The following FIGNL2 variants were observed in gnomAD, a reference collection of about 807,000 sequenced individuals.
FIGNL2 encodes fidgetin like 2.
For missense variants in FIGNL2, 1,060 were observed against 950.2 expected, an observed-to-expected ratio of 1.12 and a Z score of -1.52; for synonymous variants, 565 against 484.0, an observed-to-expected ratio of 1.17 and a Z score of -2.20.
At chr12:51,829,998 C>G (rs1344024067) in intron 1 of FIGNL2, among the ~76,000 whole-genome samples, 1 of 152,066 alleles carries the variant, frequency 6.6e-6, no homozygotes, top group Admixed American at 6.6e-5. Context: ...TTGAAGATTA[C>G]TGAGAGTAGG....
At position 51,822,111 on chromosome 12, in the gene FIGNL2, C is replaced by T. The variant is rs1939227378; in HGVS notation, c.303G>A (p.Gly101=). The T allele has an allele frequency of 1.9e-6, 3 of 1,610,940 alleles. No individual in the cohort carries two copies. The highest frequency in any genetic ancestry group is 2.2e-5 in the East Asian group (1 of 44,724). ...AGGCCAAGGGGTAGGGTGGCTCCGG[C>T]CCTGGCCAGGGCTCGGGATCCCCTT... ...GAKGDPEPWP[G]PEPPYPLASL... The change falls in exon 2 of 2, where the codon GGG becomes GGA. Residue 101 remains glycine, a synonymous_variant. Transcript: ENST00000618634.
At chr12:51,843,288 A>G (rs303785) in intron 1 of FIGNL2, among the ~76,000 whole-genome samples, 85,863 of 151,814 alleles carry the variant, frequency 0.57, 24,693 homozygotes, top group African/African-American at 0.65. Flanking sequence ...TGTAATCCCA[A>G]CACTTTGGGA....
At chr12:51,839,357 T>A (rs1468114829) in intron 1 of FIGNL2, among the ~76,000 whole-genome samples, 1 of 152,098 alleles carries the variant, frequency 6.6e-6, no homozygotes, top group Non-Finnish European at 1.5e-5. Context: ...CCTGTGTCTG[T>A]CTCTCCAGCC....
chr12:51,830,493 GT>G (rs1279826960), intron 1 of FIGNL2, among the ~76,000 whole-genome samples: 94 of 83,102 alleles, frequency 1.1e-3, no homozygotes, highest in Admixed American at 2.1e-3. Flanking sequence ...ATATTGAGTT[GT>G]TTTTTTTTTT....
Position 51,820,440 on chromosome 12 carries a change from C to A in FIGNL2, c.*12G>T. 1 of 1,582,852 alleles carries A rather than the reference C, an allele frequency of 6.3e-7. No homozygotes were observed. Among genetic ancestry groups the A allele is most frequent in the Non-Finnish European group, 8.5e-7 (1 of 1,172,882 alleles). On this transcript the variant is annotated 3_prime_UTR_variant, in exon 2 of 2. Transcript: ENST00000618634. The stretch of plus-strand genomic sequence containing the variant: ...GAGGGACTGCGGCTCCCGCGGCCTC[C>A]CCCGCGCGCCGTCAGTGTCCGGAGC...
At chr12:51,824,227 G>A (rs1939286561) in intron 1 of FIGNL2, 2 of 152,164 alleles carry the variant, frequency 1.3e-5, no homozygotes, top group Admixed American at 6.6e-5. Flanking sequence ...CATACACTTT[G>A]AGTCCATAGA....
At position 51,818,300 on chromosome 12, in the gene FIGNL2, C is replaced by T. The variant is rs1017953513; in HGVS notation, c.*2152G>A. Reference sequence around the variant, plus strand: ...AGCCTAGTAGAGAAAGCGGTGGGGACTCCACCTCCCAGAGCTCCCTGCCTC... The same window carrying T: ...AGCCTAGTAGAGAAAGCGGTGGGGATTCCACCTCCCAGAGCTCCCTGCCTC... On this transcript the variant is annotated 3_prime_UTR_variant, in exon 2 of 2. Coordinates refer to ENST00000618634, the MANE Select transcript of FIGNL2 (RefSeq NM_001384995.1). 2.6e-5 allele frequency: 4 copies of T among 152,166 alleles called. No homozygotes were observed. The highest frequency in any genetic ancestry group is 6.5e-5 in the Admixed American group (1 of 15,276). 9.4% of individuals were successfully genotyped at this position (152,166 alleles called of 1,614,324 possible). A position where few individuals can be genotyped will look rare whatever the true frequency, so the allele number is the denominator to read the frequency against.
At chr12:51,828,315 A>T (rs1003288517) in intron 1 of FIGNL2, 4 of 151,462 alleles carry the variant, frequency 2.6e-5, no homozygotes, top group Non-Finnish European at 4.4e-5. Flanking sequence ...TGGAGAAAAC[A>T]CTCTCTCTCT....
intron 1 of FIGNL2, among the ~76,000 whole-genome samples, chr12:51,840,104 C>A (rs1351211142): frequency 1.3e-5 from 2 of 152,264 alleles, no homozygotes; most frequent in African/African-American, 2.4e-5. Flanking sequence ...GTTTCTAGCA[C>A]ACAACGCAGC....
chr12:51,833,664 C>A (rs926121291), intron 1 of FIGNL2, among the ~76,000 whole-genome samples: 3 of 152,216 alleles, frequency 2.0e-5, no homozygotes, highest in Non-Finnish European at 4.4e-5. Context: ...CTGCCTGGAA[C>A]ACACCTTCCC....
In FIGNL2 at chr12:51,821,840, G is replaced by A. The variant is rs902178038; in HGVS notation, c.574C>T (p.Pro192Ser). 1.9e-5 allele frequency: 24 copies of A among 1,281,124 alleles called. No homozygotes were observed. The highest frequency in any genetic ancestry group is 1.7e-4 in the Admixed American group (4 of 23,358). The allele number at this position is 1,281,124 out of a possible 1,614,324, so 79.4% of individuals were successfully genotyped here. The change falls in exon 2 of 2, where the codon CCG (proline) becomes TCG (serine). Residue 192 changes from proline (P) to serine (S), a missense_variant. Physicochemically the swap from Pro to Ser is moderately conservative, Grantham distance 74. Transcript: ENST00000618634. ...GCTGAGGGCCCGTACCCCGGAGGCG[G>A]TGGGGGCTGCAGGAGCGCGGCCGGG... ...PPPAALLQPP[P>S]PPGYGPSAPL...
At chr12:51,822,540 A>C in intron 1 of FIGNL2, 116 bp from the exon 2 acceptor site, 1 of 1,146,072 alleles carries the variant, frequency 8.7e-7, no homozygotes, top group Non-Finnish European at 1.3e-6. Flanking sequence ...GGCTTCCGGC[A>C]TCCACCACCT....
chr12:51,820,298 A>G lies in FIGNL2; in HGVS notation c.*154T>C. On this transcript the variant is annotated 3_prime_UTR_variant, in exon 2 of 2. Coordinates refer to ENST00000618634, the MANE Select transcript of FIGNL2 (RefSeq NM_001384995.1). ...TGGCAGAAGCATTTTCCTTCCCACG[A>G]AAAAAAAAATATCCACCGGCAGACC... The G allele has an allele frequency of 1.3e-6, 1 of 793,924 alleles. No individual in the cohort carries two copies. The highest frequency in any genetic ancestry group is 1.8e-6 in the Non-Finnish European group (1 of 557,776). The allele number at this position is 793,924 out of a possible 1,614,324, so 49.2% of individuals were successfully genotyped here.
At chr12:51,833,587 C>T (rs1320610265) in intron 1 of FIGNL2, among the ~76,000 whole-genome samples, 2 of 152,186 alleles carry the variant, frequency 1.3e-5, no homozygotes, top group African/African-American at 4.8e-5. Flanking sequence ...CCCTCCCTTC[C>T]ACACCCTGGC....
At chr12:51,836,467 G>C (rs1041372536) in intron 1 of FIGNL2, among the ~76,000 whole-genome samples, 1 of 152,118 alleles carries the variant, frequency 6.6e-6, no homozygotes, top group Non-Finnish European at 1.5e-5. Flanking sequence ...CACAGTCCGG[G>C]GGTCACAGCT....
intron 1 of FIGNL2, among the ~76,000 whole-genome samples, chr12:51,837,675 G>T (rs1939601212): frequency 6.6e-6 from 1 of 152,172 alleles, no homozygotes; most frequent in African/African-American, 2.4e-5. Context: ...GCCCTGGGAT[G>T]CTCAGGCCAC....
rs970922431 is a variant in FIGNL2, at chr12:51,848,652, T to G, written c.-124A>C. Reference sequence around the variant, plus strand: ...GCGACAGGCCTGGGCTGGGGGGCAGTGGCGCTCACCATCCTGGAGCCGCTG... The same window carrying G: ...GCGACAGGCCTGGGCTGGGGGGCAGGGGCGCTCACCATCCTGGAGCCGCTG... On this transcript the variant is annotated 5_prime_UTR_variant, in exon 1 of 2. Transcript: ENST00000618634. 5.6e-6 allele frequency: 3 copies of G among 533,944 alleles called. No homozygotes were observed. The highest frequency in any genetic ancestry group is 2.1e-5 in the African/African-American group (1 of 48,318). The allele number at this position is 533,944 out of a possible 1,614,324, so 33.1% of individuals were successfully genotyped here.
In FIGNL2 at chr12:51,822,081, G is replaced by A. The variant is rs749493291; in HGVS notation, c.333C>T (p.Leu111=). The part of the protein sequence containing the change: ...GPEPPYPLAS[L]HEGLPGTKSG... ...ATTTGGTTCCTGGGAGGCCTTCGTGGAGTGAGGCCAAGGGGTAGGGTGGCT... is the reference window on the plus strand; with the variant it reads ...ATTTGGTTCCTGGGAGGCCTTCGTGAAGTGAGGCCAAGGGGTAGGGTGGCT... The change falls in exon 2 of 2, where the codon CTC becomes CTT. Residue 111 remains leucine (L), a synonymous_variant. Coordinates refer to ENST00000618634, the MANE Select transcript of FIGNL2 (RefSeq NM_001384995.1). 4.3e-6 allele frequency: 7 copies of A among 1,611,170 alleles called. No individual in the cohort carries two copies. The highest frequency in any genetic ancestry group is 5.9e-6 in the Non-Finnish European group (7 of 1,178,862).
At chr12:51,848,360 C>G in intron 1 of FIGNL2, 180 bp downstream of exon 1, 1 of 983,376 alleles carries the variant, frequency 1.0e-6, no homozygotes, top group Non-Finnish European at 1.2e-6. Context: ...TCGGCTCCCA[C>G]GTACCCGCTA....
Sources: allele counts gnomAD v4.1 joint callset (sites outside exome capture counted in the v4.1 genomes callset), GRCh38; gene constraint gnomAD v4.1.1; transcripts MANE v1.5; gene names NCBI Gene and HGNC (gene_info 2026-07-23, HGNC 2026-07-21).